Variants in SSH1 observed in about 807,000 individuals in gnomAD.
The protein encoded by SSH1 is protein phosphatase Slingshot homolog 1.
Under a neutral mutation model 79.7 loss-of-function variants are expected in SSH1, and 43 were observed. That is an observed-to-expected ratio of 0.54 (90% CI 0.42 to 0.70). The LOEUF (loss-of-function observed/expected upper bound fraction) is 0.70. Ranked by LOEUF, SSH1 falls within the 30% of genes least tolerant of loss-of-function variation. The pLI is 0.00. For missense variants in SSH1, 1,206 were observed against 1,358.8 expected (o/e 0.89, Z 1.77); for synonymous variants, 599 against 538.3 (o/e 1.11, Z -1.56).
At chr12:108,795,624 G>C (rs2036716595) in intron 13 of SSH1, among the ~76,000 whole-genome samples, 1 of 151,998 alleles carries the variant, frequency 6.6e-6, no homozygotes, top group Non-Finnish European at 1.5e-5. Context: ...GGAAGGCTGA[G>C]GTGGAAGGAT....
intron 2 of SSH1, chr12:108,826,424 A>G (rs546679022): frequency 3.6e-6 from 1 of 275,312 alleles, no homozygotes; most frequent in Admixed American, 5.1e-5. Context: ...CAAGACTGGA[A>G]GCTGCAGGGA....
intron 12 of SSH1, among the ~76,000 whole-genome samples, chr12:108,799,492 G>T (rs936404420): frequency 2.3e-4 from 35 of 152,270 alleles, no homozygotes; most frequent in African/African-American, 7.9e-4. Context: ...TCAATATTTG[G>T]CTGCCTTCAG....
intron 14 of SSH1, 90 bp downstream of exon 14, chr12:108,792,188 CGGGTGCCT>C: frequency 6.3e-7 from 1 of 1,578,810 alleles, no homozygotes; most frequent in Non-Finnish European, 8.6e-7. Flanking sequence ...GGTGTGGTGG[CGGGTGCCT>C]GTAGTCCCTA....
chr12:108,797,441 A>G (rs1405067919), intron 13 of SSH1, among the ~76,000 whole-genome samples: 2 of 152,226 alleles, frequency 1.3e-5, no homozygotes, highest in African/African-American at 4.8e-5. Context: ...TCCCAGAGTA[A>G]GAACACCCAA....
At chr12:108,809,070 G>A (rs1256768727) in intron 7 of SSH1, among the ~76,000 whole-genome samples, 1 of 151,596 alleles carries the variant, frequency 6.6e-6, no homozygotes, top group African/African-American at 2.4e-5. Context: ...CTGACCTCAG[G>A]TCATCCACCC....
At chr12:108,822,438 A>C (rs1159778134) in intron 3 of SSH1, among the ~76,000 whole-genome samples, 1 of 151,106 alleles carries the variant, frequency 6.6e-6, no homozygotes, top group Non-Finnish European at 1.5e-5. Flanking sequence ...CCTGGCCATA[A>C]GTGTGTTTTG....
In SSH1 at chr12:108,792,632, T is replaced by A. The variant is rs776772737; in HGVS notation, c.1547A>T (p.Asp516Val). The change falls in exon 14 of 15, where the codon GAC becomes GTC. Residue 516 changes from aspartate (D) to valine (V), a missense_variant. Asp to Val is a radical substitution (Grantham distance 152). Coordinates refer to ENST00000326495, the MANE Select transcript of SSH1 (RefSeq NM_018984.4). The part of the protein sequence containing the change: ...PLPCCFRRLS[D>V]PLLPSPEDET... ...ATCCTCAGGGGAAGGCAGAAGGGGG[T>A]CTGAGAGTCGCCGGAAACAGCAGGG... 2 of 1,611,204 alleles carry A rather than the reference T, an allele frequency of 1.2e-6. No individual in the cohort carries two copies. Among genetic ancestry groups the A allele is most frequent in the South Asian group, 1.1e-5 (1 of 91,014 alleles).
At chr12:108,827,670 T>C in intron 2 of SSH1, 1 of 758,368 alleles carries the variant, frequency 1.3e-6, no homozygotes, top group Non-Finnish European at 1.7e-6. Context: ...CACCGGGGTG[T>C]GCATTCGACA....
At chr12:108,792,920 C>A in intron 13 of SSH1, 91 bp from the exon 14 acceptor site, 1 of 1,538,982 alleles carries the variant, frequency 6.5e-7, no homozygotes, top group East Asian at 2.3e-5. Flanking sequence ...TGAGGGGCTG[C>A]CCAAGGTCAG....
chr12:108,792,879 G>A, intron 13 of SSH1, 50 bp from the exon 14 acceptor site: 1 of 1,609,838 alleles, frequency 6.2e-7, no homozygotes. Context: ...ATGGTGCCTG[G>A]GGGTGCTGGG....
chr12:108,807,386 C>T lies in SSH1; in HGVS notation c.731+247G>A, dbSNP rs182825476. On this transcript the variant is annotated intron_variant, in intron 8 of 14. Coordinates refer to ENST00000326495, the MANE Select transcript of SSH1 (RefSeq NM_018984.4). The surrounding 1 kb of genome is among the most constrained non-coding windows in gnomAD (Gnocchi z 5.2). Reference sequence around the variant, plus strand: ...GTCTGATGGGAGTTACGGACCCCGTCCCCAGAAATGCATTCACCAAATTCA... The same window carrying T: ...GTCTGATGGGAGTTACGGACCCCGTTCCCAGAAATGCATTCACCAAATTCA... Among the ~76,000 whole-genome samples, 19 of 151,874 alleles carry T rather than the reference C, an allele frequency of 1.3e-4. No homozygotes were observed. Among genetic ancestry groups the T allele is most frequent in the Admixed American group, 9.2e-4 (14 of 15,250 alleles).
In SSH1 at chr12:108,811,339, GGA is replaced by G; in HGVS notation, c.402-13_402-12del. 6.2e-7 allele frequency: 1 copy of G among 1,614,122 alleles called. No homozygotes were observed. On this transcript the variant is annotated splice_polypyrimidine_tract_variant and intron_variant, in intron 5 of 14. Transcript: ENST00000326495. ...ATGGTGCAGCTTTTACTGCGATGGG[GGA>G]GAGAAGACATGTGGAGTCAGCGTCT...
In SSH1 at chr12:108,806,338, A is replaced by G. The variant is rs1272408035; in HGVS notation, c.788T>C (p.Met263Thr). ...CACATTTTCTAGATCCTGGCTCATC[A>G]TGATGCTTCGGAGCTTGGCTTTGAT... ...RLIKAKLRSI[M>T]MSQDLENVTS... The change falls in exon 9 of 15, where the codon ATG becomes ACG. Residue 263 changes from methionine to threonine, a missense_variant. By Grantham distance (81) the Met-to-Thr change is moderately conservative. Transcript: ENST00000326495. The G allele has an allele frequency of 6.2e-7, 1 of 1,614,190 alleles. No homozygotes were observed. The highest frequency in any genetic ancestry group is 8.5e-7 in the Non-Finnish European group (1 of 1,180,030).
rs890928622 is a variant in SSH1 at position 108,785,537 on chromosome 12, G to A, written c.*2451C>T. 2.0e-5 allele frequency: 3 copies of A among 152,174 alleles called. No individual in the cohort carries two copies. The highest frequency in any genetic ancestry group is 7.2e-5 in the African/African-American group (3 of 41,432). The allele number at this position is 152,174 out of a possible 1,614,324, so 9.4% of individuals were successfully genotyped here. ...GCCAGGCTATTAAGCATCAAGTCCA[G>A]AATGCTTCACTCTGCTCTGTGGACG... On this transcript the variant is annotated 3_prime_UTR_variant, in exon 15 of 15. Coordinates refer to ENST00000326495, the MANE Select transcript of SSH1 (RefSeq NM_018984.4).
chr12:108,827,206 T>G (rs1413629489), intron 2 of SSH1: 31 of 1,498,206 alleles, frequency 2.1e-5, no homozygotes, highest in Non-Finnish European at 2.6e-5. Context: ...AAACAGCCAG[T>G]GTCATCCAGA....
At chr12:108,838,122 C>A (rs894393109) in intron 2 of SSH1, among the ~76,000 whole-genome samples, 1 of 152,118 alleles carries the variant, frequency 6.6e-6, no homozygotes, top group African/African-American at 2.4e-5. Flanking sequence ...CCACTTAATT[C>A]GATTTTGGTA....
At chr12:108,819,611 T>G (rs1296113868) in intron 3 of SSH1, among the ~76,000 whole-genome samples, 1 of 152,160 alleles carries the variant, frequency 6.6e-6, no homozygotes, top group East Asian at 1.9e-4. Flanking sequence ...GGAGACTCAC[T>G]TGAGGCCAGG....
intron 1 of SSH1, among the ~76,000 whole-genome samples, chr12:108,855,247 C>T (rs1336905678): frequency 6.6e-6 from 1 of 152,188 alleles, no homozygotes; most frequent in Non-Finnish European, 1.5e-5. Flanking sequence ...AAAGGCCACA[C>T]AGGGTGTGAT....
chr12:108,820,001 C>T (rs1193152261), intron 3 of SSH1, among the ~76,000 whole-genome samples: 1 of 152,066 alleles, frequency 6.6e-6, no homozygotes, highest in Non-Finnish European at 1.5e-5. Context: ...GAAATTTGTG[C>T]CTCTAGCCAG....
Sources: gnomAD v4.1 joint callset for allele counts (sites outside exome capture counted in the v4.1 genomes callset) on GRCh38, gnomAD v4.1.1 for gene constraint, Gnocchi (gnomAD v3.1) non-coding constraint, MANE v1.5 for transcripts, NCBI Gene and HGNC (gene_info 2026-07-23, HGNC 2026-07-21) for gene names.